Variants in POPDC1 observed in about 807,000 individuals in gnomAD.
POPDC1 encodes the protein popeye domain cAMP effector 1.
the POPDC1 span, among the ~76,000 whole-genome samples, chr6:105,134,872 C>A: frequency 2.0e-5 from 3 of 152,146 alleles, no homozygotes; most frequent in Non-Finnish European, 4.4e-5. Flanking sequence ...CAAAAATTCA[C>A]CTATTTTCCA....
chr6:105,107,091 T>C, the POPDC1 span, among the ~76,000 whole-genome samples: 1 of 152,176 alleles, frequency 6.6e-6, no homozygotes, highest in Non-Finnish European at 1.5e-5. Context: ...CCACTTCCCC[T>C]CTACCTCCCC....
the POPDC1 span, among the ~76,000 whole-genome samples, chr6:105,120,283 A>AC: frequency 8.0e-5 from 12 of 149,732 alleles, no homozygotes; most frequent in African/African-American, 3.0e-4. Context: ...AAAAAAAAAA[A>AC]AAAAAAAAAA....
chr6:105,113,817 A>AT, the POPDC1 span, among the ~76,000 whole-genome samples: 50 of 47,704 alleles, frequency 1.0e-3, 1 homozygote, highest in African/African-American at 1.5e-3. Context: ...GATGCCTGGC[A>AT]TTTTTTTTTT....
At chr6:105,121,725 T>A in the POPDC1 span, among the ~76,000 whole-genome samples, 1 of 152,214 alleles carries the variant, frequency 6.6e-6, no homozygotes, top group African/African-American at 2.4e-5. Flanking sequence ...CTTATTATCA[T>A]GATAATTACT....
chr6:105,129,389 T>G, the POPDC1 span: 1 of 1,609,230 alleles, frequency 6.2e-7, no homozygotes, highest in South Asian at 1.1e-5. Context: ...CGGTCTCTTC[T>G]TGTATAAAAG....
the POPDC1 span, among the ~76,000 whole-genome samples, chr6:105,126,698 T>C: frequency 2.0e-5 from 3 of 152,178 alleles, no homozygotes. Context: ...TAGGAATCAA[T>C]GAGGAAACAA....
chr6:105,136,091 C>G, the POPDC1 span: 1 of 152,138 alleles, frequency 6.6e-6, no homozygotes, highest in Non-Finnish European at 1.5e-5. Flanking sequence ...CTCTACCAAA[C>G]TAAAAAAATG....
At chr6:105,134,729 GCACAC>G in the POPDC1 span, among the ~76,000 whole-genome samples, 1 of 152,046 alleles carries the variant, frequency 6.6e-6, no homozygotes, top group South Asian at 2.1e-4. Context: ...TAAAAAACAA[GCACAC>G]CAATTTACAA....
chr6:105,125,453 T>C, the POPDC1 span: 37 of 1,614,080 alleles, frequency 2.3e-5, no homozygotes, highest in Non-Finnish European at 3.1e-5. Flanking sequence ...CAGCATAAGT[T>C]TGGCCCTTTT....
At chr6:105,110,232 G>A in the POPDC1 span, among the ~76,000 whole-genome samples, 5 of 110,918 alleles carry the variant, frequency 4.5e-5, no homozygotes, top group African/African-American at 1.8e-4. Flanking sequence ...TGTGTCAGCT[G>A]CTACAGCAGT....
At chr6:105,111,161 T>A in the POPDC1 span, among the ~76,000 whole-genome samples, 1 of 152,212 alleles carries the variant, frequency 6.6e-6, no homozygotes, top group Non-Finnish European at 1.5e-5. Flanking sequence ...CTGATTGCAT[T>A]GCCTACATTG....
the POPDC1 span, among the ~76,000 whole-genome samples, chr6:105,134,806 AAATATT>A: frequency 1.3e-5 from 2 of 152,222 alleles, no homozygotes; most frequent in Non-Finnish European, 2.9e-5. Context: ...AATAGCTCAT[AAATATT>A]AATAGTAATA....
the POPDC1 span, chr6:105,133,512 TTC>T: frequency 6.2e-7 from 1 of 1,613,882 alleles, no homozygotes; most frequent in Non-Finnish European, 8.5e-7. Context: ...GTATGATACT[TTC>T]TAACTCAGGT....
chr6:105,133,473 T>C, the POPDC1 span: 1 of 1,613,948 alleles, frequency 6.2e-7, no homozygotes. Context: ...CTCTCCAGTT[T>C]TCACAAGTGG....
chr6:105,129,288 AT>A, the POPDC1 span: 1 of 1,131,320 alleles, frequency 8.8e-7, no homozygotes. Flanking sequence ...GTGACTAAAT[AT>A]GCTAGATACT....
At chr6:105,108,585 A>G in the POPDC1 span, among the ~76,000 whole-genome samples, 1 of 152,212 alleles carries the variant, frequency 6.6e-6, no homozygotes, top group Non-Finnish European at 1.5e-5. Context: ...CCACAACAGC[A>G]AGGCAATGAA....
At chr6:105,122,418 GAAGA>G in the POPDC1 span, among the ~76,000 whole-genome samples, 2 of 152,196 alleles carry the variant, frequency 1.3e-5, no homozygotes, top group Non-Finnish European at 2.9e-5. Flanking sequence ...TAGTCCCCAA[GAAGA>G]AAGAGAACTG....
the POPDC1 span, chr6:105,133,324 TACATAAAG>T: frequency 3.9e-6 from 6 of 1,555,146 alleles, no homozygotes; most frequent in African/African-American, 8.2e-5. Flanking sequence ...ACAGAAAAGT[TACATAAAG>T]TATCAGTTAG....
At chr6:105,133,296 G>A in the POPDC1 span, 1 of 1,405,352 alleles carries the variant, frequency 7.1e-7, no homozygotes, top group African/African-American at 1.4e-5. Flanking sequence ...TCAATGTAAA[G>A]CCCATCTTAT....
Sources: gnomAD v4.1 joint callset for allele counts (sites outside exome capture counted in the v4.1 genomes callset) on GRCh38, gnomAD v4.1.1 for gene constraint, MANE v1.5 for transcripts, NCBI Gene and HGNC (gene_info 2026-07-23, HGNC 2026-07-21) for gene names.